The following BPTF variants were observed in gnomAD, a reference collection of about 807,000 sequenced individuals.
The protein encoded by BPTF is bromodomain PHD finger transcription factor.
In BPTF, 18 loss-of-function variants were observed where a neutral mutation model predicts 292.5. The observed-to-expected ratio is 0.06, with a 90% CI of 0.04 to 0.09. BPTF has a LOEUF of 0.09. Among genes scored for constraint, BPTF ranks in the 10% least tolerant of loss-of-function variants. BPTF has a pLI of 1.00. For missense variants in BPTF, 2,726 were observed against 3,498.7 expected, an observed-to-expected ratio of 0.78 and a Z score of 5.57; for synonymous variants, 1,225 against 1,251.9, an observed-to-expected ratio of 0.98 and a Z score of 0.45.
At chr17:67,916,181 G>A (rs952020990) in intron 11 of BPTF, among the ~76,000 whole-genome samples, 44 of 152,158 alleles carry the variant, frequency 2.9e-4, no homozygotes, top group African/African-American at 9.4e-4. Flanking sequence ...TTCATAGTGC[G>A]ATAACACAGT....
At chr17:67,862,664 A>G (rs2059153797) in intron 2 of BPTF, among the ~76,000 whole-genome samples, 1 of 152,176 alleles carries the variant, frequency 6.6e-6, no homozygotes, top group Non-Finnish European at 1.5e-5. Context: ...TGCTATAACA[A>G]AGTACTATAC....
intron 27 of BPTF, among the ~76,000 whole-genome samples, chr17:67,978,530 C>T (rs1459331576): frequency 1.3e-5 from 2 of 151,872 alleles, no homozygotes; most frequent in African/African-American, 2.4e-5. Flanking sequence ...AACTGCAGAC[C>T]TCGTGATCCG....
chr17:67,940,410 G>A (rs781906687), intron 18 of BPTF, 29 bp from the exon 19 acceptor site: 4 of 1,589,212 alleles, frequency 2.5e-6, no homozygotes, highest in South Asian at 2.2e-5. Flanking sequence ...GGGTGTATAA[G>A]CATTCATAAT....
chr17:67,893,897 CACTA>C, intron 6 of BPTF, 133 bp from the exon 7 acceptor site: 2 of 1,219,362 alleles, frequency 1.6e-6, no homozygotes, highest in East Asian at 2.4e-5. Context: ...GAACCGACAC[CACTA>C]ACTATTTGGA....
intron 4 of BPTF, among the ~76,000 whole-genome samples, chr17:67,889,632 AC>A (rs2060976245): frequency 6.6e-6 from 1 of 152,026 alleles, no homozygotes; most frequent in Admixed American, 6.6e-5. Flanking sequence ...ACATGGTGAA[AC>A]CCCGTCTCTA....
chr17:67,845,110 TCTC>T (rs771110616), intron 1 of BPTF, among the ~76,000 whole-genome samples: 2 of 152,008 alleles, frequency 1.3e-5, no homozygotes, highest in African/African-American at 4.8e-5. Context: ...TAAGTGCACG[TCTC>T]CTCCTCAGCA....
chr17:67,904,112 T>C (rs1410319946), intron 8 of BPTF, among the ~76,000 whole-genome samples, 194 bp downstream of exon 8: 4 of 152,246 alleles, frequency 2.6e-5, no homozygotes, highest in African/African-American at 9.6e-5. Flanking sequence ...CACTACAGCC[T>C]CCGCCTCCTG....
At chr17:67,872,622 C>T (rs2145678630) in intron 3 of BPTF, among the ~76,000 whole-genome samples, 1 of 152,032 alleles carries the variant, frequency 6.6e-6, no homozygotes, top group African/African-American at 2.4e-5. Context: ...GTGAGAATCG[C>T]TTGAACCCAG....
intron 7 of BPTF, among the ~76,000 whole-genome samples, chr17:67,903,140 C>T (rs1013858515): frequency 5.3e-5 from 8 of 152,240 alleles, no homozygotes; most frequent in South Asian, 4.1e-4. Context: ...GATGGGGCCC[C>T]ATGGGCCCCT....
intron 15 of BPTF, among the ~76,000 whole-genome samples, chr17:67,927,375 A>C (rs1337037838): frequency 6.6e-6 from 1 of 152,230 alleles, no homozygotes; most frequent in Non-Finnish European, 1.5e-5. Context: ...ATAATAAAAG[A>C]TATACAGAAT....
intron 1 of BPTF, among the ~76,000 whole-genome samples, chr17:67,827,131 T>C (rs1319782975): frequency 1.3e-5 from 2 of 152,222 alleles, no homozygotes; most frequent in East Asian, 3.8e-4. Flanking sequence ...ACTCATTTGA[T>C]CGCTTTGCCT....
chr17:67,880,960 C>T (rs72845278), intron 4 of BPTF, among the ~76,000 whole-genome samples: 28,732 of 72,014 alleles, frequency 0.4, 3,433 homozygotes, highest in East Asian at 0.72. Context: ...TATATATATA[C>T]ACACACACAC....
chr17:67,825,514 G>A lies in BPTF; in HGVS notation c.-211G>A, dbSNP rs1385461348. 2.4e-6 allele frequency: 1 copy of A among 420,086 alleles called. No individual in the cohort carries two copies. The highest frequency in any genetic ancestry group is 4.7e-6 in the Non-Finnish European group (1 of 214,038). 26.0% of individuals were successfully genotyped at this position (420,086 alleles called of 1,614,324 possible). On this transcript the variant is annotated 5_prime_UTR_variant, in exon 1 of 28. Transcript: ENST00000306378. ...CTGTCGGTTCCCCCAGTCACCGAGC[G>A]AGAGGGAAGAAACAAGATGGCGGCT...
chr17:67,929,413 T>G lies in BPTF; in HGVS notation c.6076T>G (p.Phe2026Val), dbSNP rs145266502. 1.7e-4 allele frequency: 280 copies of G among 1,614,074 alleles called. No individual in the cohort carries two copies. The highest frequency in any genetic ancestry group is 1.7e-4 in the Non-Finnish European group (200 of 1,180,032). Residue 2026 changes from phenylalanine to valine, a missense_variant, in exon 17 of 28, where the codon TTC becomes GTC. By Grantham distance (50) the Phe-to-Val change is conservative. This residue lies in a region of BPTF where 198 missense variants were observed against 277.1 expected (regional missense o/e 0.71). Transcript: ENST00000306378. The stretch of plus-strand genomic sequence containing the variant: ...TACCAGTCAGCAAACCTTTACTTCA[T>G]TCCAGCCCAGGACAGCAACAGTCAC... ...TGTSQQTFTSFQPRTATVTIR... is the reference protein window; with the variant it reads ...TGTSQQTFTSVQPRTATVTIR...
intron 22 of BPTF, 62 bp from the exon 23 acceptor site, chr17:67,948,019 G>T: frequency 6.7e-7 from 1 of 1,483,104 alleles, no homozygotes. Context: ...ATAGAAGAAT[G>T]ATGTCTTAAG....
intron 19 of BPTF, among the ~76,000 whole-genome samples, chr17:67,943,375 T>C (rs1169618611): frequency 1.3e-5 from 2 of 152,180 alleles, no homozygotes; most frequent in African/African-American, 2.4e-5. Flanking sequence ...GGATGGTTTT[T>C]ACTTTTGCTT....
rs539471111 is a variant in BPTF, at chr17:67,967,392, C to T, written c.8539+736C>T. On this transcript the variant is annotated intron_variant, in intron 26 of 27. Coordinates refer to ENST00000306378, the MANE Select transcript of BPTF (RefSeq NM_182641.4). ...CCTGACCTTGTGATCCGCTCCCCCT[C>T]GGCCTCCCCAAAGTGCTGGGATTAC... Among the ~76,000 whole-genome samples the T allele has an allele frequency of 5.3e-5, 8 of 151,784 alleles. No homozygotes were observed. The East Asian group carries it at 8.0e-4, about 15-fold the overall frequency.
intron 13 of BPTF, among the ~76,000 whole-genome samples, chr17:67,921,220 A>G (rs2147200002): frequency 6.9e-6 from 1 of 144,846 alleles, no homozygotes; most frequent in East Asian, 1.9e-4. Flanking sequence ...AAAAAAAAAA[A>G]AAAAAAAAAA....
At chr17:67,857,031 T>A (rs536948436) in intron 2 of BPTF, among the ~76,000 whole-genome samples, 1 of 152,290 alleles carries the variant, frequency 6.6e-6, no homozygotes, top group Non-Finnish European at 1.5e-5. Context: ...CTTTTTAGTT[T>A]GAGATCAGGC....
Sources: gnomAD v4.1 joint callset for allele counts (sites outside exome capture counted in the v4.1 genomes callset) on GRCh38, gnomAD v4.1.1 for gene constraint, gnomAD v4.1.1 regional missense constraint, MANE v1.5 for transcripts, NCBI Gene and HGNC (gene_info 2026-07-23, HGNC 2026-07-21) for gene names.